Variants in PDSS1 observed in about 807,000 individuals in gnomAD.
PDSS1 encodes the protein decaprenyl diphosphate synthase subunit 1.
A neutral mutation model predicts 57.5 loss-of-function variants in PDSS1; 43 were observed. That is an observed-to-expected ratio of 0.75 (90% confidence interval 0.59 to 0.96). The LOEUF (loss-of-function observed/expected upper bound fraction) is 0.96, where lower values mean the gene tolerates loss of function less well. PDSS1 is among the 50% of genes least tolerant of loss of function. The pLI is 0.00. For missense variants in PDSS1, 438 were observed against 527.8 expected (o/e 0.83, Z 1.67); for synonymous variants, 175 against 191.3 (o/e 0.91, Z 0.70).
chr10:26,722,134 G>C (rs1429765925), intron 6 of PDSS1, among the ~76,000 whole-genome samples: 1 of 152,198 alleles, frequency 6.6e-6, no homozygotes, highest in Non-Finnish European at 1.5e-5. Flanking sequence ...AGGAACTAAA[G>C]GCCAAAGGAT....
intron 10 of PDSS1, among the ~76,000 whole-genome samples, chr10:26,741,213 G>C (rs530653606): frequency 2.0e-5 from 3 of 152,092 alleles, no homozygotes; most frequent in African/African-American, 7.2e-5. Flanking sequence ...GGCCAGGCGC[G>C]GTGGCTCACA....
rs964481933 is a variant in PDSS1 at position 26,711,558 on chromosome 10, C to T, written c.467+1790C>T. On this transcript the variant is annotated intron_variant, in intron 5 of 11. Coordinates refer to ENST00000376215, the MANE Select transcript of PDSS1 (RefSeq NM_014317.5). ...CATTGTCAGGACCACTTTCACTTTA[C>T]CGGAAGGCAGAGCAGCAAAAACGCT... 2.5e-4 allele frequency among the ~76,000 whole-genome samples: 25 copies of T among 99,146 alleles called. 8 individuals carry two copies. The highest frequency in any genetic ancestry group is 8.2e-4 in the African/African-American group (25 of 30,570). The allele number at this position is 99,146 out of a possible 152,430, so 65.0% of individuals were successfully genotyped here. A position where few individuals can be genotyped will look rare whatever the true frequency, so the allele number is the denominator to read the frequency against.
At position 26,727,078 on chromosome 10, in the gene PDSS1, C is replaced by A. The variant is rs930364956; in HGVS notation, c.831+2955C>A. On this transcript the variant is annotated intron_variant, in intron 8 of 11. Coordinates refer to ENST00000376215, the MANE Select transcript of PDSS1 (RefSeq NM_014317.5). Reference sequence around the variant, plus strand: ...GTCTCTCAAAAAAAAAACAAACAAACCAGAATTCATGTTATTATCAAAAGA... The same window carrying A: ...GTCTCTCAAAAAAAAAACAAACAAAACAGAATTCATGTTATTATCAAAAGA... Among the ~76,000 whole-genome samples the A allele has an allele frequency of 2.0e-3, 309 of 151,422 alleles. 1 individual carries two copies. Among genetic ancestry groups the A allele is most frequent in the African/African-American group, 7.0e-3 (287 of 41,172 alleles).
chr10:26,740,515 T>G, intron 10 of PDSS1: 1 of 417,940 alleles, frequency 2.4e-6, no homozygotes, highest in South Asian at 1.7e-5. Context: ...TGACACATAT[T>G]TTGGTCTGAA....
In PDSS1 at chr10:26,736,085, A is replaced by G. The variant is rs544360456; in HGVS notation, c.1026+506A>G. Among the ~76,000 whole-genome samples, 423 of 152,338 alleles carry G rather than the reference A, an allele frequency of 2.8e-3. 3 individuals carry two copies. Among genetic ancestry groups the G allele is most frequent in the Non-Finnish European group, 2.5e-3 (169 of 68,034 alleles). ...TGAGAGAGGCTTTAGAACCTCGGCCATTGCCTCAAAATGTCAGGAAGTCAG... is the reference window on the plus strand; with the variant it reads ...TGAGAGAGGCTTTAGAACCTCGGCCGTTGCCTCAAAATGTCAGGAAGTCAG... On this transcript the variant is annotated intron_variant, in intron 10 of 11. Transcript: ENST00000376215.
chr10:26,741,502 C>A (rs7918403), intron 10 of PDSS1, among the ~76,000 whole-genome samples: 65,381 of 141,226 alleles, frequency 0.46, 14,810 homozygotes, highest in African/African-American at 0.61. Context: ...GGGGGAAAAA[C>A]AACAAAAAAA....
At chr10:26,736,027 C>T (rs531014547) in intron 10 of PDSS1, among the ~76,000 whole-genome samples, 60 of 152,152 alleles carry the variant, frequency 3.9e-4, no homozygotes, top group Non-Finnish European at 8.1e-4. Flanking sequence ...AGAAATTCTC[C>T]GGTTCTAGAA....
intron 1 of PDSS1, among the ~76,000 whole-genome samples, chr10:26,700,600 G>C (rs1616702): frequency 0.28 from 43,138 of 151,884 alleles, 6,696 homozygotes; most frequent in Middle Eastern, 0.39. Flanking sequence ...CACAAGATCT[G>C]CTGGTTTTAT....
chr10:26,744,648 A>C (rs1033773878), intron 11 of PDSS1, among the ~76,000 whole-genome samples: 2 of 151,986 alleles, frequency 1.3e-5, no homozygotes, highest in African/African-American at 4.8e-5. Context: ...CGGCCTCCCA[A>C]AGTGCTGGGA....
In PDSS1 at chr10:26,746,320, CTGTATCTTATAGAG is replaced by C; in HGVS notation, c.1108-10_1111del. 1 of 1,613,800 alleles carries C rather than the reference CTGTATCTTATAGAG, an allele frequency of 6.2e-7. No homozygotes were observed. Among genetic ancestry groups the C allele is most frequent in the Non-Finnish European group, 8.5e-7 (1 of 1,179,752 alleles). On this transcript the variant is annotated splice_acceptor_variant and splice_polypyrimidine_tract_variant and coding_sequence_variant and intron_variant, in exon 12 of 12. Transcript: ENST00000376215. LOFTEE classifies it high-confidence loss of function. ...TGACAGGCATCTGTTCTGTTTTGTT[CTGTATCTTATAGAG>C]TGATGGTGTGCAACAAACAACCTAC...
rs373992947 is a variant in PDSS1, at chr10:26,731,149, C to T, written c.832-4091C>T. ...TTGAGACCAGAGTTCAAGGCCAGGC[C>T]GGCCAACATGGTGGAACCCCATCTC... is the stretch of plus-strand genomic sequence containing the variant. On this transcript the variant is annotated intron_variant, in intron 8 of 11. Coordinates refer to ENST00000376215, the MANE Select transcript of PDSS1 (RefSeq NM_014317.5). 1.7e-4 allele frequency among the ~76,000 whole-genome samples: 26 copies of T among 152,064 alleles called. 2 individuals are homozygous for T. Among genetic ancestry groups the T allele is most frequent in the African/African-American group, 6.0e-4 (25 of 41,502 alleles).
intron 8 of PDSS1, among the ~76,000 whole-genome samples, chr10:26,728,674 GTTA>G (rs1836050118): frequency 6.8e-6 from 1 of 147,734 alleles, no homozygotes; most frequent in South Asian, 2.1e-4. Context: ...TATTTTTTTT[GTTA>G]TTATTATTTC....
At chr10:26,721,079 G>C (rs568810843) in intron 6 of PDSS1, among the ~76,000 whole-genome samples, 2 of 152,210 alleles carry the variant, frequency 1.3e-5, no homozygotes, top group South Asian at 2.1e-4. Context: ...GCTGAGGTGG[G>C]TGGATCACCT....
intron 11 of PDSS1, 134 bp from the exon 12 acceptor site, chr10:26,746,199 T>G: frequency 1.1e-6 from 1 of 942,370 alleles, no homozygotes; most frequent in Non-Finnish European, 1.7e-6. Flanking sequence ...ACATTAGAGA[T>G]GTAGTTTGAC....
chr10:26,739,409 G>A (rs1226629858), intron 10 of PDSS1, among the ~76,000 whole-genome samples: 1 of 152,154 alleles, frequency 6.6e-6, no homozygotes, highest in East Asian at 1.9e-4. Context: ...AAGGGGACTG[G>A]GGAGTGCCCG....
chr10:26,718,222 AAGTAG>A (rs2132254166), intron 5 of PDSS1: 1 of 151,940 alleles, frequency 6.6e-6, no homozygotes, highest in South Asian at 2.1e-4. Flanking sequence ...TTTGTATTTT[AAGTAG>A]AGTTGGAGTT....
intron 4 of PDSS1, among the ~76,000 whole-genome samples, chr10:26,707,527 G>T (rs1835274500): frequency 6.6e-6 from 1 of 152,008 alleles, no homozygotes; most frequent in South Asian, 2.1e-4. Context: ...TGACCATTGG[G>T]CACTATTGAC....
intron 10 of PDSS1, among the ~76,000 whole-genome samples, chr10:26,736,954 G>A (rs1201401484): frequency 1.1e-4 from 16 of 152,170 alleles, no homozygotes; most frequent in Admixed American, 8.5e-4. Flanking sequence ...TTATGCTGGG[G>A]ATTAGAAAAA....
intron 4 of PDSS1, among the ~76,000 whole-genome samples, chr10:26,708,699 C>G (rs1288914194): frequency 6.6e-6 from 1 of 152,154 alleles, no homozygotes; most frequent in African/African-American, 2.4e-5. Flanking sequence ...TTCTCCTTGG[C>G]TGTGGCCTTA....
Sources: gnomAD v4.1 joint callset for allele counts (sites outside exome capture counted in the v4.1 genomes callset) on GRCh38, gnomAD v4.1.1 for gene constraint, MANE v1.5 for transcripts, NCBI Gene and HGNC (gene_info 2026-07-23, HGNC 2026-07-21) for gene names.